Variants in PRELID2 observed in about 807,000 individuals in gnomAD.
The protein encoded by PRELID2 is PRELI domain-containing protein 2.
A neutral mutation model predicts 28.4 loss-of-function variants in PRELID2; 25 were observed. That is an observed-to-expected ratio of 0.88 (90% CI 0.64 to 1.23). The LOEUF is 1.23. PRELID2 is among the 50% of genes most tolerant of loss of function. PRELID2 has a pLI of 0.00. For synonymous variants in PRELID2, 76 were observed against 71.6 expected, an observed-to-expected ratio of 1.06 and a Z score of -0.31; for missense variants, 201 against 214.4, an observed-to-expected ratio of 0.94 and a Z score of 0.39.
intron 5 of PRELID2, among the ~76,000 whole-genome samples, chr5:145,787,881 A>G (rs1450064226): frequency 6.6e-6 from 1 of 152,180 alleles, no homozygotes. Flanking sequence ...AATATAGTAT[A>G]TGAACAAATA....
intron 1 of PRELID2, among the ~76,000 whole-genome samples, chr5:145,512,681 C>T (rs1213108249): frequency 6.6e-6 from 1 of 152,214 alleles, no homozygotes; most frequent in African/African-American, 2.4e-5. Context: ...CCCCATGCCT[C>T]CTGTCTGAGA....
intron 1 of PRELID2, among the ~76,000 whole-genome samples, chr5:145,681,303 G>A (rs188322291): frequency 1.6e-4 from 25 of 152,224 alleles, no homozygotes; most frequent in Non-Finnish European, 2.9e-4. Flanking sequence ...TGCTACCATG[G>A]AATGGCCCTC....
chr5:145,831,380 T>C (rs952104170), intron 1 of PRELID2, among the ~76,000 whole-genome samples: 1 of 152,222 alleles, frequency 6.6e-6, no homozygotes, highest in African/African-American at 2.4e-5. Context: ...CCTAGCCCTA[T>C]GAACTGTGAG....
chr5:145,576,007 T>A (rs10074155), intron 1 of PRELID2, among the ~76,000 whole-genome samples: 29,362 of 152,100 alleles, frequency 0.19, 5,027 homozygotes, highest in African/African-American at 0.45. Flanking sequence ...GAAAATCTCC[T>A]TCTAGACATC....
At chr5:145,639,347 AC>A (rs1424604757) in intron 1 of PRELID2, among the ~76,000 whole-genome samples, 1 of 152,086 alleles carries the variant, frequency 6.6e-6, no homozygotes, top group Non-Finnish European at 1.5e-5. Flanking sequence ...CAGCTTGAAA[AC>A]CAGAGGGAGA....
In PRELID2 at chr5:145,760,249, A is replaced by T. The variant is rs146486186; in HGVS notation, c.*287T>A. The T allele has an allele frequency of 6.6e-6, 1 of 152,128 alleles. No individual in the cohort carries two copies. Among genetic ancestry groups the T allele is most frequent in the Non-Finnish European group, 1.5e-5 (1 of 68,032 alleles). The allele number at this position is 152,128 out of a possible 1,614,324, so 9.4% of individuals were successfully genotyped here. On this transcript the variant is annotated 3_prime_UTR_variant, in exon 7 of 7. Transcript: ENST00000683046. ...CTGAGGAAGGGCACACATATCTTAC[A>T]TGGTTCTTTTTTCCTTTATTTGTAA... is the stretch of plus-strand genomic sequence containing the variant.
chr5:145,438,663 T>A, the PRELID2 span, among the ~76,000 whole-genome samples: 1 of 152,158 alleles, frequency 6.6e-6, no homozygotes, highest in Admixed American at 6.6e-5. Flanking sequence ...AACTTTTCTG[T>A]TAGTGATCAT....
At chr5:145,728,451 T>A in intron 1 of PRELID2, 1 of 602,500 alleles carries the variant, frequency 1.7e-6, no homozygotes, top group East Asian at 2.8e-5. Context: ...ACCCCGGATC[T>A]GGAACCAGAT....
the PRELID2 span, among the ~76,000 whole-genome samples, chr5:145,330,242 G>T: frequency 5.9e-5 from 9 of 152,088 alleles, no homozygotes; most frequent in Non-Finnish European, 1.2e-4. Context: ...TTCTTCTGTT[G>T]TTGTGTCTCT....
At chr5:145,277,343 T>C in the PRELID2 span, among the ~76,000 whole-genome samples, 1 of 152,212 alleles carries the variant, frequency 6.6e-6, no homozygotes, top group Admixed American at 6.6e-5. Context: ...TAAAGAAATA[T>C]GTTTTGTGAT....
chr5:145,276,972 G>A, the PRELID2 span, among the ~76,000 whole-genome samples: 1 of 152,132 alleles, frequency 6.6e-6, no homozygotes, highest in African/African-American at 2.4e-5. Context: ...AATGACAGGA[G>A]AAATGAAGTC....
At chr5:145,731,466 C>T (rs1402889216) in intron 1 of PRELID2, among the ~76,000 whole-genome samples, 4 of 152,130 alleles carry the variant, frequency 2.6e-5, no homozygotes, top group Non-Finnish European at 4.4e-5. Flanking sequence ...TTAGAGAGTA[C>T]GACATGGGAA....
chr5:145,268,605 G>C, the PRELID2 span, among the ~76,000 whole-genome samples: 3 of 152,050 alleles, frequency 2.0e-5, no homozygotes, highest in Non-Finnish European at 4.4e-5. Flanking sequence ...TGAATGCCAG[G>C]TGCCTCTAGT....
chr5:145,306,029 A>C, the PRELID2 span, among the ~76,000 whole-genome samples: 1 of 152,202 alleles, frequency 6.6e-6, no homozygotes, highest in Admixed American at 6.5e-5. Flanking sequence ...GCAGAAGTAC[A>C]GCAGACTCTT....
chr5:145,625,252 A>G (rs1753828720), intron 1 of PRELID2, among the ~76,000 whole-genome samples: 1 of 152,164 alleles, frequency 6.6e-6, no homozygotes, highest in South Asian at 2.1e-4. Flanking sequence ...TCTTGTCCAG[A>G]ACACATGTAC....
chr5:145,550,467 A>G (rs1277377818), intron 1 of PRELID2, among the ~76,000 whole-genome samples: 2 of 152,116 alleles, frequency 1.3e-5, no homozygotes, highest in Non-Finnish European at 2.9e-5. Context: ...CTCAGTTGCT[A>G]TGGAGGCTGA....
intron 1 of PRELID2, among the ~76,000 whole-genome samples, chr5:145,694,403 A>C (rs543695623): frequency 1.3e-5 from 2 of 152,206 alleles, no homozygotes; most frequent in East Asian, 1.9e-4. Context: ...AAATATTTTA[A>C]TGTTGATAAT....
chr5:145,466,639 A>G, the PRELID2 span, among the ~76,000 whole-genome samples: 1 of 152,172 alleles, frequency 6.6e-6, no homozygotes, highest in African/African-American at 2.4e-5. Flanking sequence ...TGGTAATTAA[A>G]CCACTGAGTA....
At chr5:145,769,562 G>T (rs555746817) in intron 5 of PRELID2, among the ~76,000 whole-genome samples, 3 of 152,228 alleles carry the variant, frequency 2.0e-5, no homozygotes, top group Admixed American at 2.0e-4. Flanking sequence ...GCTTGGAAGA[G>T]AGTAATATTA....
Sources: gnomAD v4.1 joint callset for allele counts (sites outside exome capture counted in the v4.1 genomes callset) on GRCh38, gnomAD v4.1.1 for gene constraint, MANE v1.5 for transcripts, NCBI Gene and HGNC (gene_info 2026-07-23, HGNC 2026-07-21) for gene names.